Variants in BANK1 observed in about 807,000 individuals in gnomAD.
BANK1 encodes the protein B cell scaffold protein with ankyrin repeats 1.
A neutral mutation model predicts 94.5 loss-of-function variants in BANK1; 95 were observed. The observed-to-expected ratio is 1.00, with a 90% CI of 0.85 to 1.19. The LOEUF is 1.19. BANK1 is among the 50% of genes most tolerant of loss of function. The pLI, the probability that BANK1 is intolerant of heterozygous loss-of-function variation, is 0.00. For missense variants in BANK1, 987 were observed against 932.2 expected (o/e 1.06, Z -0.77); for synonymous variants, 334 against 308.4 (o/e 1.08, Z -0.87).
rs79962614 is a variant in BANK1, at chr4:101,899,672, G to A, written c.1009+4262G>A. 3.5e-3 allele frequency among the ~76,000 whole-genome samples: 535 copies of A among 152,214 alleles called. 2 individuals are homozygous for A. Among genetic ancestry groups the A allele is most frequent in the African/African-American group, 0.012 (506 of 41,534 alleles). On this transcript the variant is annotated intron_variant, in intron 6 of 16. Coordinates refer to ENST00000322953, the MANE Select transcript of BANK1 (RefSeq NM_017935.5). ...TATGCTTACAAACATACTGTGGTTGGAGGCTGTGAGTACAAAACAGGAAGG... is the reference window on the plus strand; with the variant it reads ...TATGCTTACAAACATACTGTGGTTGAAGGCTGTGAGTACAAAACAGGAAGG...
At chr4:101,821,647 G>A (rs1726153090) in intron 1 of BANK1, among the ~76,000 whole-genome samples, 1 of 151,914 alleles carries the variant, frequency 6.6e-6, no homozygotes, top group Admixed American at 6.6e-5. Context: ...GTTTGGTTTG[G>A]GTTTTTTTGT....
intron 7 of BANK1, among the ~76,000 whole-genome samples, chr4:101,947,284 A>AATATATATAT (rs36202521): frequency 1.7e-4 from 10 of 58,264 alleles, no homozygotes; most frequent in Admixed American, 3.1e-4. Flanking sequence ...AGAAGTTGTA[A>AATATATATAT]ATATATATAT....
chr4:101,856,013 C>G (rs1032447022), intron 3 of BANK1, among the ~76,000 whole-genome samples: 8 of 152,070 alleles, frequency 5.3e-5, no homozygotes, highest in African/African-American at 1.9e-4. Flanking sequence ...TTGTGGCATC[C>G]TTGAGTATAA....
At chr4:101,817,752 G>A (rs1404694092) in intron 1 of BANK1, among the ~76,000 whole-genome samples, 1 of 152,152 alleles carries the variant, frequency 6.6e-6, no homozygotes. Context: ...CTTAAAGGAA[G>A]CTTGTGCAAC....
Position 101,809,477 on chromosome 4 carries a change from C to T in BANK1, c.70+18527C>T, listed in dbSNP as rs1056081146. On this transcript the variant is annotated intron_variant, in intron 1 of 16. Transcript: ENST00000322953. ...CAAAAACTACCTGTTCCCCCCAAAACTACTGAAATAAATATATATAAAAAA... is the reference window on the plus strand; with the variant it reads ...CAAAAACTACCTGTTCCCCCCAAAATTACTGAAATAAATATATATAAAAAA... Among the ~76,000 whole-genome samples, 7 of 152,064 alleles carry T rather than the reference C, an allele frequency of 4.6e-5. No individual in the cohort carries two copies. In the East Asian group the frequency reaches 1.4e-3, roughly 29 times the overall value.
intron 13 of BANK1, among the ~76,000 whole-genome samples, chr4:102,068,371 AAAT>A (rs1432363499): frequency 5.3e-5 from 8 of 152,216 alleles, no homozygotes; most frequent in Non-Finnish European, 1.0e-4. Context: ...ATAAACAAGA[AAAT>A]AAAATCAAAA....
chr4:102,055,623 T>C (rs1008198268), intron 11 of BANK1, among the ~76,000 whole-genome samples: 1 of 152,056 alleles, frequency 6.6e-6, no homozygotes, highest in Non-Finnish European at 1.5e-5. Flanking sequence ...TAAAAATTAT[T>C]TTAACTAGCT....
At chr4:101,874,821 A>C (rs1728428136) in intron 5 of BANK1, among the ~76,000 whole-genome samples, 1 of 152,168 alleles carries the variant, frequency 6.6e-6, no homozygotes, top group Non-Finnish European at 1.5e-5. Flanking sequence ...TTGCATGCCC[A>C]GTATCTTTCA....
At chr4:101,905,563 G>T (rs752101921) in intron 6 of BANK1, among the ~76,000 whole-genome samples, 2 of 152,072 alleles carry the variant, frequency 1.3e-5, no homozygotes, top group African/African-American at 4.8e-5. Context: ...GGCCTGACTC[G>T]CTGATTTTTT....
chr4:101,800,634 A>G (rs1229502284), intron 1 of BANK1, among the ~76,000 whole-genome samples: 3 of 152,192 alleles, frequency 2.0e-5, no homozygotes, highest in Non-Finnish European at 2.9e-5. Flanking sequence ...TTCTGGCTCT[A>G]TTCTTCCTGT....
intron 5 of BANK1, among the ~76,000 whole-genome samples, chr4:101,875,368 T>C (rs1728449697): frequency 6.6e-6 from 1 of 152,200 alleles, no homozygotes; most frequent in Non-Finnish European, 1.5e-5. Context: ...TACCTGATAC[T>C]GGGTAATTTA....
At chr4:102,004,064 T>G (rs2850386) in intron 7 of BANK1, among the ~76,000 whole-genome samples, 11,686 of 152,098 alleles carry the variant, frequency 0.077, 641 homozygotes, top group East Asian at 0.19. Context: ...TCCTTTTTTT[T>G]TCCACAGCAA....
intron 1 of BANK1, among the ~76,000 whole-genome samples, chr4:101,809,062 G>T (rs1356265086): frequency 6.6e-6 from 1 of 152,172 alleles, no homozygotes; most frequent in Non-Finnish European, 1.5e-5. Flanking sequence ...GTTTATAGCA[G>T]CACAATTTGC....
chr4:102,021,687 T>C, intron 8 of BANK1, 95 bp downstream of exon 8: 1 of 465,856 alleles, frequency 2.1e-6, no homozygotes, highest in Non-Finnish European at 3.6e-6. Context: ...AAAGCAAGAC[T>C]GAAGAGAATG....
rs78439713 is a variant in BANK1 at position 101,823,948 on chromosome 4, G to A, written c.71-5860G>A. Among the ~76,000 whole-genome samples the A allele has an allele frequency of 5.8e-3, 882 of 152,296 alleles. 41 individuals carry two copies. In the East Asian group the frequency reaches 0.065, roughly 11 times the overall value. On this transcript the variant is annotated intron_variant, in intron 1 of 16. Transcript: ENST00000322953. ...AAAATGGACTTGAGTACAGGTATTTGATCATGAGCCCATGAAGCTCTAGTG... is the reference window on the plus strand; with the variant it reads ...AAAATGGACTTGAGTACAGGTATTTAATCATGAGCCCATGAAGCTCTAGTG...
intron 2 of BANK1, among the ~76,000 whole-genome samples, chr4:101,846,263 A>T (rs190236302): frequency 2.0e-5 from 3 of 152,358 alleles, no homozygotes; most frequent in Admixed American, 2.0e-4. Flanking sequence ...TGATGAGTTC[A>T]TGTCCTTTGT....
intron 1 of BANK1, among the ~76,000 whole-genome samples, chr4:101,792,255 T>TCCCCCCCCCCCCCCCCCCCCCCCCCC (rs771698917): frequency 7.8e-5 from 10 of 128,652 alleles, no homozygotes; most frequent in Non-Finnish European, 1.5e-4. Flanking sequence ...TGCATTCCGC[T>TCCCCCCCCCCCCCCCCCCCCCCCCCC]CCCCCCCCGC....
chr4:102,042,009 G>A (rs1480493397), intron 10 of BANK1, among the ~76,000 whole-genome samples: 1 of 151,954 alleles, frequency 6.6e-6, no homozygotes, highest in African/African-American at 2.4e-5. Flanking sequence ...ATCAATTAAT[G>A]TAATTTTTAT....
intron 7 of BANK1, among the ~76,000 whole-genome samples, chr4:101,953,019 A>G (rs970006362): frequency 9.2e-5 from 14 of 152,186 alleles, no homozygotes; most frequent in Non-Finnish European, 1.6e-4. Context: ...TTTTGCCGAC[A>G]TCTGCACCAA....
Sources: gnomAD v4.1 joint callset for allele counts (sites outside exome capture counted in the v4.1 genomes callset) on GRCh38, gnomAD v4.1.1 for gene constraint, MANE v1.5 for transcripts, NCBI Gene and HGNC (gene_info 2026-07-23, HGNC 2026-07-21) for gene names.